CHAF1A: variants seen among roughly 807,000 people sequenced by gnomAD.
The protein encoded by CHAF1A is CAF-1 subunit A.
In CHAF1A, 5 loss-of-function variants were observed where a neutral mutation model predicts 93.2. The observed-to-expected ratio is 0.05, with a 90% confidence interval of 0.03 to 0.11. CHAF1A has a LOEUF of 0.11. Among genes scored for constraint, CHAF1A ranks in the 10% least tolerant of loss-of-function variants. The probability of loss-of-function intolerance (pLI) is 1.00; values close to 1 mark genes in which losing one functional copy is unlikely to be tolerated. For missense variants in CHAF1A, 1,102 were observed against 1,259.9 expected, an observed-to-expected ratio of 0.87 and a Z score of 1.90; for synonymous variants, 504 against 510.3, an observed-to-expected ratio of 0.99 and a Z score of 0.17.
intron 2 of CHAF1A, among the ~76,000 whole-genome samples, chr19:4,408,491 T>TTTTTTTTG: frequency 9.0e-6 from 1 of 111,408 alleles, no homozygotes; most frequent in African/African-American, 3.3e-5. Context: ...TTTTTTTTTT[T>TTTTTTTTG]GAGAGGGAGT....
chr19:4,431,658 G>A lies in CHAF1A; in HGVS notation c.1948-294G>A, dbSNP rs539658682. ...GGGTAGACACCCAACCCTGTTAAAC[G>A]GCTCCACGATCACACATTCACCAGA... On this transcript the variant is annotated intron_variant, in intron 11 of 14. Transcript: ENST00000301280. Among the ~76,000 whole-genome samples, 8 of 152,156 alleles carry A rather than the reference G, an allele frequency of 5.3e-5. No individual in the cohort carries two copies. In the East Asian group the frequency reaches 1.4e-3, roughly 26 times the overall value.
intron 3 of CHAF1A, among the ~76,000 whole-genome samples, chr19:4,413,042 G>C (rs530834349): frequency 1.3e-5 from 2 of 152,248 alleles, no homozygotes; most frequent in African/African-American, 4.8e-5. Context: ...TGGTTGGTTT[G>C]CTTGCTTCAT....
intron 13 of CHAF1A, among the ~76,000 whole-genome samples, chr19:4,434,373 C>T (rs944176604): frequency 2.0e-5 from 3 of 152,108 alleles, no homozygotes; most frequent in African/African-American, 7.2e-5. Context: ...AACGCACCTT[C>T]GTTGATTTAT....
chr19:4,425,481 T>C (rs1032015282), intron 7 of CHAF1A, among the ~76,000 whole-genome samples: 2 of 152,196 alleles, frequency 1.3e-5, no homozygotes, highest in African/African-American at 4.8e-5. Flanking sequence ...CTTGAACTCC[T>C]GACCTCAGAT....
At chr19:4,408,813 C>T in intron 2 of CHAF1A, 90 bp from the exon 3 acceptor site, 1 of 1,466,468 alleles carries the variant, frequency 6.8e-7, no homozygotes, top group South Asian at 1.4e-5. Context: ...ATCTCCCACC[C>T]CCATGTCCCA....
At position 4,443,205 on chromosome 19, in the gene CHAF1A, A is replaced by G; in HGVS notation, c.*180A>G. The G allele has an allele frequency of 3.2e-6, 2 of 624,570 alleles. No individual in the cohort carries two copies. The highest frequency in any genetic ancestry group is 2.9e-5 in the East Asian group (1 of 33,932). 38.7% of individuals were successfully genotyped at this position (624,570 alleles called of 1,614,324 possible). A position where few individuals can be genotyped will look rare whatever the true frequency, so the allele number is the denominator to read the frequency against. On this transcript the variant is annotated 3_prime_UTR_variant, in exon 15 of 15. Transcript: ENST00000301280. Reference sequence around the variant, plus strand: ...TGATATTTGTAAAAATTCCCCCAAGAGCCGCATATGAATCTGCCCTTTAAT... The same window carrying G: ...TGATATTTGTAAAAATTCCCCCAAGGGCCGCATATGAATCTGCCCTTTAAT...
At chr19:4,435,208 A>G (rs1974262262) in intron 13 of CHAF1A, among the ~76,000 whole-genome samples, 2 of 143,940 alleles carry the variant, frequency 1.4e-5, no homozygotes. Flanking sequence ...CTTCTGGCTC[A>G]GCCTCCCGAG....
chr19:4,432,294 C>T (rs909757255), intron 12 of CHAF1A, 87 bp downstream of exon 12: 3 of 1,413,966 alleles, frequency 2.1e-6, no homozygotes, highest in Admixed American at 2.5e-5. Context: ...GCTAGTGGGT[C>T]CGTGATGCAA....
downstream of CHAF1A, chr19:4,445,295 T>C (rs1413922738): frequency 1.1e-5 from 9 of 822,310 alleles, no homozygotes; most frequent in Non-Finnish European, 1.7e-5. Flanking sequence ...CCTCGGGGGC[T>C]TGGGCGCATC....
rs777537222 is a variant in CHAF1A at position 4,409,508 on chromosome 19, G to C, written c.709G>C (p.Val237Leu). 2 of 1,614,130 alleles carry C rather than the reference G, an allele frequency of 1.2e-6. No individual in the cohort carries two copies. The highest frequency in any genetic ancestry group is 1.7e-6 in the Non-Finnish European group (2 of 1,180,034). Residue 237 changes from valine (V) to leucine (L), a missense_variant, in exon 3 of 15, where the codon GTG (valine) becomes CTG (leucine). By Grantham distance (32) the Val-to-Leu change is conservative. Coordinates refer to ENST00000301280, the MANE Select transcript of CHAF1A (RefSeq NM_005483.3). ...TGGGGGCATCCTGTTCAAAGGGAAG[G>C]TGCCTATGGTGGTCTTGCAGGACAT... ...EAGGILFKGK[V>L]PMVVLQDILA...
chr19:4,402,972 G>A (rs1241872625), intron 1 of CHAF1A, among the ~76,000 whole-genome samples, 158 bp downstream of exon 1: 4 of 152,194 alleles, frequency 2.6e-5, no homozygotes, highest in Non-Finnish European at 5.9e-5. Context: ...GCGAGGGCCT[G>A]GCGTCCCCAA....
At chr19:4,418,336 T>A (rs1391199355) in intron 4 of CHAF1A, among the ~76,000 whole-genome samples, 1 of 152,162 alleles carries the variant, frequency 6.6e-6, no homozygotes, top group East Asian at 1.9e-4. Context: ...ACCACTGTCT[T>A]AATGGTTCAG....
intron 13 of CHAF1A, among the ~76,000 whole-genome samples, chr19:4,435,087 CTTTT>C (rs869255408): frequency 3.6e-3 from 321 of 87,960 alleles, no homozygotes; most frequent in African/African-American, 0.012. Flanking sequence ...CTTTTTTTTC[CTTTT>C]TTTTTTTTTT....
chr19:4,445,562 G>A (rs77077573), downstream of CHAF1A: 558 of 1,613,820 alleles, frequency 3.5e-4, no homozygotes, highest in Non-Finnish European at 4.3e-4. Flanking sequence ...CTCGGCCCCC[G>A]CGGCCTTGAT....
At chr19:4,435,434 G>A (rs147378014) in intron 13 of CHAF1A, among the ~76,000 whole-genome samples, 18 of 151,814 alleles carry the variant, frequency 1.2e-4, no homozygotes, top group Non-Finnish European at 1.8e-4. Context: ...GTGCAGTGGC[G>A]TGATCACCAC....
At chr19:4,445,340 G>T, downstream of CHAF1A, 2 of 1,287,312 alleles carry the variant, frequency 1.6e-6, no homozygotes, top group Non-Finnish European at 2.1e-6. Flanking sequence ...CTCTGCCACG[G>T]GGCCCAATTC....
rs1478234852 is a variant in CHAF1A, at chr19:4,409,026, A to T, written c.227A>T (p.Glu76Val). 1 of 1,614,106 alleles carries T rather than the reference A, an allele frequency of 6.2e-7. No individual in the cohort carries two copies. Among genetic ancestry groups the T allele is most frequent in the Non-Finnish European group, 8.5e-7 (1 of 1,180,058 alleles). The change falls in exon 3 of 15, where the codon GAA becomes GTA. Residue 76 changes from glutamate (E) to valine (V), a missense_variant. Around this residue, in one of 6 missense-constraint regions of CHAF1A, gnomAD observed 379 missense variants for 365.7 expected, o/e 1.04. Transcript: ENST00000301280. The part of the protein sequence containing the change: ...PDLEASLDTL[E>V]NNCHVGSDID... ...TTAGAGGCCTCTTTGGACACCTTGG[A>T]AAACAACTGTCATGTGGGTTCTGAC...
At chr19:4,423,616 C>T (rs915886784) in intron 6 of CHAF1A, among the ~76,000 whole-genome samples, 190 bp from the exon 7 acceptor site, 2 of 152,244 alleles carry the variant, frequency 1.3e-5, no homozygotes, top group Non-Finnish European at 1.5e-5. Flanking sequence ...CTTCTACCCA[C>T]AAGGGCAACT....
At chr19:4,441,654 C>T (rs1428759457) in intron 13 of CHAF1A, among the ~76,000 whole-genome samples, 1 of 151,800 alleles carries the variant, frequency 6.6e-6, no homozygotes, top group African/African-American at 2.4e-5. Flanking sequence ...CACCTGTAAT[C>T]CCAGCACTTT....
Sources: gnomAD v4.1 joint callset for allele counts (sites outside exome capture counted in the v4.1 genomes callset) on GRCh38, gnomAD v4.1.1 for gene constraint, gnomAD v4.1.1 regional missense constraint, MANE v1.5 for transcripts, NCBI Gene and HGNC (gene_info 2026-07-23, HGNC 2026-07-21) for gene names.